The following MED1 variants were observed in gnomAD, a reference collection of about 807,000 sequenced individuals.
The protein encoded by MED1 is mediator of RNA polymerase II transcription subunit 1.
In MED1, 17 loss-of-function variants were observed where a neutral mutation model predicts 121.3. The ratio of observed to expected loss-of-function variants is 0.14; its 90% CI spans 0.10 to 0.21. The LOEUF (loss-of-function observed/expected upper bound fraction) is 0.21. MED1 is among the 10% of genes least tolerant of loss of function. The probability of loss-of-function intolerance (pLI) is 1.00; values close to 1 mark genes in which losing one functional copy is unlikely to be tolerated. For missense variants in MED1, 1,558 were observed against 1,919.4 expected, an observed-to-expected ratio of 0.81 and a Z score of 3.52; for synonymous variants, 661 against 694.4, an observed-to-expected ratio of 0.95 and a Z score of 0.76.
In MED1 at chr17:39,432,051, T is replaced by A. The variant is rs769503195; in HGVS notation, c.501-35A>T. ...AGATGAGAAGAACATGAGTTAATAG[T>A]TGAAAAATATGACCAAGCGGGGTGG... is the stretch of plus-strand genomic sequence containing the variant. On this transcript the variant is annotated intron_variant, in intron 7 of 16. Coordinates refer to ENST00000300651, the MANE Select transcript of MED1 (RefSeq NM_004774.4). 3.3e-6 allele frequency: 5 copies of A among 1,503,546 alleles called. No individual in the cohort carries two copies. The South Asian group carries it at 5.6e-5, about 17-fold the overall frequency. 93.1% of individuals were successfully genotyped at this position (1,503,546 alleles called of 1,614,324 possible). A position where few individuals can be genotyped will look rare whatever the true frequency, so the allele number is the denominator to read the frequency against.
At position 39,409,852 on chromosome 17, in the gene MED1, GCTT is replaced by G. The variant is rs1442375454; in HGVS notation, c.2366_2368del (p.Glu789del). The stretch of plus-strand genomic sequence containing the variant: ...ATCACTAGTGCTGGGAAGTTTAGAA[GCTT>G]CTTCTGCAATGTCTGAAAGGATGTC... On this transcript the variant is annotated inframe_deletion, in exon 17 of 17. Transcript: ENST00000300651. 7 of 1,614,048 alleles carry G rather than the reference GCTT, an allele frequency of 4.3e-6. No individual in the cohort carries two copies. Among genetic ancestry groups the G allele is most frequent in the East Asian group, 2.2e-5 (1 of 44,890 alleles).
At chr17:39,439,925 T>C (rs1395986700) in intron 5 of MED1, among the ~76,000 whole-genome samples, 1 of 128,568 alleles carries the variant, frequency 7.8e-6, no homozygotes, top group Non-Finnish European at 1.5e-5. Flanking sequence ...AGAACGAGAC[T>C]CTGTCCCAGG....
intron 3 of MED1, among the ~76,000 whole-genome samples, chr17:39,442,817 A>G (rs2048691401): frequency 1.4e-5 from 2 of 147,514 alleles, no homozygotes; most frequent in Non-Finnish European, 3.0e-5. Flanking sequence ...AGGCAGGAGA[A>G]TCGCTTGAAC....
At chr17:39,414,511 A>G (rs1237551853) in intron 16 of MED1, among the ~76,000 whole-genome samples, 1 of 148,488 alleles carries the variant, frequency 6.7e-6, no homozygotes, top group Non-Finnish European at 1.5e-5. Context: ...AATTTTTTGT[A>G]TTTTTAATAG....
intron 8 of MED1, 115 bp downstream of exon 8, chr17:39,431,827 G>T: frequency 1.6e-6 from 1 of 641,032 alleles, no homozygotes. Flanking sequence ...CATCATTTTG[G>T]AAGAGAAAGG....
At chr17:39,414,950 G>A (rs111950947) in intron 16 of MED1, 76 bp downstream of exon 16, 3 of 1,335,630 alleles carry the variant, frequency 2.2e-6, no homozygotes, top group Non-Finnish European at 3.2e-6. Context: ...TTACAGGCGT[G>A]AGCCACCGCG....
At position 39,405,604 on chromosome 17, in the gene MED1, T is replaced by C. The variant is rs2048296875; in HGVS notation, c.*1871A>G. 1 of 1,183,218 alleles carries C rather than the reference T, an allele frequency of 8.5e-7. No homozygotes were observed. Among genetic ancestry groups the C allele is most frequent in the Non-Finnish European group, 1.1e-6 (1 of 951,842 alleles). The allele number at this position is 1,183,218 out of a possible 1,614,324, so 73.3% of individuals were successfully genotyped here. On this transcript the variant is annotated 3_prime_UTR_variant, in exon 17 of 17. Coordinates refer to ENST00000300651, the MANE Select transcript of MED1 (RefSeq NM_004774.4). ...AAAGCACTCTGGTATCACCTGCCCATATCCTCCTTAGTGTCACCCAAGACA... is the reference window on the plus strand; with the variant it reads ...AAAGCACTCTGGTATCACCTGCCCACATCCTCCTTAGTGTCACCCAAGACA...
At chr17:39,439,588 T>C (rs2048652041) in intron 5 of MED1, among the ~76,000 whole-genome samples, 1 of 152,332 alleles carries the variant, frequency 6.6e-6, no homozygotes, top group East Asian at 1.9e-4. Context: ...GAGTCATTTA[T>C]TTCTGTATCC....
chr17:39,423,997 C>T (rs1567645301), intron 11 of MED1, among the ~76,000 whole-genome samples, 176 bp from the exon 12 acceptor site: 1 of 152,084 alleles, frequency 6.6e-6, no homozygotes, highest in East Asian at 1.9e-4. Context: ...ATTCTCCTAT[C>T]TCAGCTTCGT....
chr17:39,422,176 T>C (rs1028696460), intron 13 of MED1, among the ~76,000 whole-genome samples: 41 of 151,890 alleles, frequency 2.7e-4, no homozygotes, highest in African/African-American at 9.9e-4. Context: ...TTCTTTTTTA[T>C]TTTTTTGAGA....
At chr17:39,434,981 T>A (rs1224746073) in intron 6 of MED1, among the ~76,000 whole-genome samples, 2 of 152,034 alleles carry the variant, frequency 1.3e-5, no homozygotes, top group Non-Finnish European at 2.9e-5. Context: ...CTGGCTAGCA[T>A]GGTGAAACCC....
intron 2 of MED1, among the ~76,000 whole-genome samples, chr17:39,444,417 G>T (rs908168194): frequency 3.3e-5 from 5 of 151,710 alleles, no homozygotes; most frequent in Admixed American, 3.3e-4. Context: ...TGAGGCAGGA[G>T]AATCACTTGA....
intron 6 of MED1, among the ~76,000 whole-genome samples, chr17:39,435,742 C>A (rs564848292): frequency 6.6e-6 from 1 of 152,154 alleles, no homozygotes; most frequent in South Asian, 2.1e-4. Context: ...GTCGTCCAGG[C>A]TGGAGTCCGA....
intron 13 of MED1, among the ~76,000 whole-genome samples, chr17:39,421,490 C>A (rs914500137): frequency 1.3e-5 from 2 of 151,960 alleles, no homozygotes; most frequent in African/African-American, 4.8e-5. Context: ...GCGGAGGTTG[C>A]AGTGAGCCGA....
rs113625306 is a variant in MED1, at chr17:39,429,126, A to G, written c.650-1336T>C. On this transcript the variant is annotated intron_variant, in intron 9 of 16. Coordinates refer to ENST00000300651, the MANE Select transcript of MED1 (RefSeq NM_004774.4). Reference sequence around the variant, plus strand: ...CTTGAAGCCAGGAGTTCAAGTCTATAGTGAGTTATGACTGCACCACTGCAC... The same window carrying G: ...CTTGAAGCCAGGAGTTCAAGTCTATGGTGAGTTATGACTGCACCACTGCAC... 2.1e-4 allele frequency among the ~76,000 whole-genome samples: 32 copies of G among 151,450 alleles called. 1 individual carries two copies. Among genetic ancestry groups the G allele is most frequent in the Middle Eastern group, 3.4e-3 (1 of 290 alleles).
chr17:39,406,184 T>C lies in MED1; in HGVS notation c.*1291A>G. 1.0e-6 allele frequency: 1 copy of C among 985,558 alleles called. No individual in the cohort carries two copies. Among genetic ancestry groups the C allele is most frequent in the South Asian group, 4.7e-5 (1 of 21,284 alleles). The allele number at this position is 985,558 out of a possible 1,614,324, so 61.1% of individuals were successfully genotyped here. On this transcript the variant is annotated 3_prime_UTR_variant, in exon 17 of 17. Transcript: ENST00000300651. ...CTCCAAAAAGGTCCAATTGGGTTGC[T>C]ACATAGTAGCAAGGGTTTATCTTCA...
intron 9 of MED1, among the ~76,000 whole-genome samples, chr17:39,428,978 T>G (rs1343402039): frequency 6.7e-6 from 1 of 148,318 alleles, no homozygotes. Flanking sequence ...TGACAGAAGA[T>G]GAAGTATGGA....
intron 3 of MED1, 55 bp downstream of exon 3, chr17:39,443,495 C>T (rs2048698484): frequency 6.8e-7 from 1 of 1,474,794 alleles, no homozygotes; most frequent in South Asian, 1.1e-5. Flanking sequence ...ATAAAATGGT[C>T]CTTCTTGAAC....
chr17:39,446,349 C>T (rs1659271873), intron 2 of MED1, among the ~76,000 whole-genome samples: 1 of 147,484 alleles, frequency 6.8e-6, no homozygotes, highest in Non-Finnish European at 1.5e-5. Flanking sequence ...ACTCGGGAGG[C>T]TGAGGCAGGA....
Sources: allele counts gnomAD v4.1 joint callset (sites outside exome capture counted in the v4.1 genomes callset), GRCh38; gene constraint gnomAD v4.1.1; transcripts MANE v1.5; gene names NCBI Gene and HGNC (gene_info 2026-07-23, HGNC 2026-07-21).